Variants in ERICH3 observed in about 807,000 individuals in gnomAD.
The protein encoded by ERICH3 is glutamate-rich protein 3.
A neutral mutation model predicts 131.1 loss-of-function variants in ERICH3; 126 were observed. The ratio of observed to expected loss-of-function variants is 0.96; its 90% confidence interval spans 0.83 to 1.11. The LOEUF (loss-of-function observed/expected upper bound fraction) is 1.11, where lower values mean the gene tolerates loss of function less well. Ranked by LOEUF, ERICH3 falls within the 50% of genes most tolerant of loss-of-function variation. The pLI, the probability that ERICH3 is intolerant of heterozygous loss-of-function variation, is 0.00. For missense variants in ERICH3, 2,050 were observed against 1,810.7 expected, an observed-to-expected ratio of 1.13 and a Z score of -2.40; for synonymous variants, 695 against 644.6, an observed-to-expected ratio of 1.08 and a Z score of -1.18.
intron 7 of ERICH3, among the ~76,000 whole-genome samples, chr1:74,626,761 G>T (rs1163525017): frequency 6.6e-6 from 1 of 152,062 alleles, no homozygotes; most frequent in African/African-American, 2.4e-5. Context: ...AAGCTCTGAA[G>T]GTGCTAGAAC....
Position 74,589,791 on chromosome 1 carries a change from T to G in ERICH3, c.2016A>C (p.Gly672=). Residue 672 remains glycine (G), a synonymous_variant, in exon 12 of 15, where the codon GGA becomes GGC. Transcript: ENST00000326665. ...CAATCTCTTGGGTTCCTTTCTCCGT[T>G]CCTTCTTTAAGAACATTCTCAAAGC... ...DESFENVLKE[G]TEKGTQEIAE... The G allele has an allele frequency of 6.2e-7, 1 of 1,614,134 alleles. No individual in the cohort carries two copies. Among genetic ancestry groups the G allele is most frequent in the East Asian group, 2.2e-5 (1 of 44,880 alleles).
Position 74,576,954 on chromosome 1 carries a change from A to T in ERICH3, c.2177-18T>A, listed in dbSNP as rs1189077090. 4 of 1,590,332 alleles carry T rather than the reference A, an allele frequency of 2.5e-6. No homozygotes were observed. In the African/African-American group the frequency reaches 5.5e-5, roughly 22 times the overall value. ...ATCCTTTCCTAGTTAAAAAAAAAAA[A>T]AAGAAAAAAAAGGTCAAATGAATCA... is the stretch of plus-strand genomic sequence containing the variant. On this transcript the variant is annotated intron_variant, in intron 12 of 14. Transcript: ENST00000326665.
intron 12 of ERICH3, among the ~76,000 whole-genome samples, chr1:74,585,144 C>A (rs1002810729): frequency 5.3e-5 from 8 of 152,052 alleles, no homozygotes; most frequent in Admixed American, 5.2e-4. Flanking sequence ...ATTAAGTTTA[C>A]AAATTAATGC....
rs548339358 is a variant in ERICH3 at position 74,645,613 on chromosome 1, A to G, written c.243+1054T>C. Among the ~76,000 whole-genome samples, 3 of 152,194 alleles carry G rather than the reference A, an allele frequency of 2.0e-5. No individual in the cohort carries two copies. In the South Asian group the frequency reaches 6.2e-4, roughly 32 times the overall value. On this transcript the variant is annotated intron_variant, in intron 3 of 14. Transcript: ENST00000326665. ...ACAGAGAACTCAGTGCCTATTGAGT[A>G]AATTTGAAACAAGGTATTAATTTTA... is the stretch of plus-strand genomic sequence containing the variant.
At chr1:74,598,617 T>G (rs962118233) in intron 11 of ERICH3, among the ~76,000 whole-genome samples, 1 of 151,646 alleles carries the variant, frequency 6.6e-6, no homozygotes, top group South Asian at 2.1e-4. Flanking sequence ...GCAAGCAAAA[T>G]ATTCACAGAA....
intron 6 of ERICH3, 65 bp downstream of exon 6, chr1:74,636,215 C>T: frequency 2.3e-6 from 3 of 1,305,886 alleles, no homozygotes; most frequent in Non-Finnish European, 3.1e-6. Flanking sequence ...ACCTTGACCA[C>T]TGTAATAACC....
chr1:74,616,266 C>T (rs1046502799), intron 8 of ERICH3, among the ~76,000 whole-genome samples: 7 of 152,140 alleles, frequency 4.6e-5, no homozygotes, highest in African/African-American at 1.4e-4. Flanking sequence ...GCAGTCTGCC[C>T]GTCTTGGCCT....
intron 13 of ERICH3, 76 bp from the exon 14 acceptor site, chr1:74,573,567 A>G: frequency 7.3e-7 from 1 of 1,376,974 alleles, no homozygotes; most frequent in South Asian, 1.9e-5. Flanking sequence ...ATCTTATATC[A>G]CACTTATTTA....
intron 5 of ERICH3, among the ~76,000 whole-genome samples, chr1:74,637,737 T>C (rs1341682924): frequency 6.6e-6 from 1 of 152,010 alleles, no homozygotes; most frequent in Non-Finnish European, 1.5e-5. Flanking sequence ...CTGGGCAACA[T>C]GGTGAAACCT....
chr1:74,590,011 G>A lies in ERICH3; in HGVS notation c.1796C>T (p.Ala599Val), dbSNP rs1228313433. 8.1e-6 allele frequency: 13 copies of A among 1,613,830 alleles called. No homozygotes were observed. The highest frequency in any genetic ancestry group is 3.3e-5 in the South Asian group (3 of 91,070). ...AGTGTGGGCTTCCCTGTCCCCCACT[G>A]CAGATTCATCCTCACTGTCACTAGA... ...PYSSDSEDES[A>V]VGDREAHTDS... is the part of the protein sequence containing the mutation. Residue 599 changes from alanine to valine, a missense_variant, in exon 12 of 15, where the codon GCA (alanine) becomes GTA (valine). By Grantham distance (64) the Ala-to-Val change is moderately conservative (BLOSUM62 0). Coordinates refer to ENST00000326665, the MANE Select transcript of ERICH3 (RefSeq NM_001002912.5).
intron 7 of ERICH3, 48 bp from the exon 8 acceptor site, chr1:74,620,962 G>T: frequency 1.4e-6 from 2 of 1,404,804 alleles, no homozygotes; most frequent in South Asian, 1.6e-5. Context: ...ACTTTCTAAT[G>T]AGAGTTCTTA....
chr1:74,633,755 G>A (rs1307190830), intron 6 of ERICH3, among the ~76,000 whole-genome samples: 2 of 151,928 alleles, frequency 1.3e-5, no homozygotes, highest in African/African-American at 4.8e-5. Flanking sequence ...TACACATATT[G>A]TGTATTCCTA....
chr1:74,670,812 A>T (rs1646735115), intron 1 of ERICH3, among the ~76,000 whole-genome samples: 2 of 152,200 alleles, frequency 1.3e-5, no homozygotes, highest in Admixed American at 6.5e-5. Flanking sequence ...CTTCTTGTAG[A>T]GAGCCTACAA....
intron 9 of ERICH3, among the ~76,000 whole-genome samples, chr1:74,611,214 C>A (rs902233739): frequency 2.6e-5 from 4 of 152,076 alleles, no homozygotes; most frequent in African/African-American, 9.7e-5. Flanking sequence ...TGTCCTCGAC[C>A]AAAACCACTT....
At chr1:74,642,269 T>A (rs1028962812) in intron 4 of ERICH3, among the ~76,000 whole-genome samples, 10 of 152,116 alleles carry the variant, frequency 6.6e-5, no homozygotes, top group African/African-American at 2.4e-4. Context: ...GGGTGAAAAA[T>A]TACTGTCTTT....
At position 74,572,283 on chromosome 1, in the gene ERICH3, G is replaced by A. The variant is rs1480614019; in HGVS notation, c.3427C>T (p.Leu1143Phe). Residue 1143 changes from leucine to phenylalanine, a missense_variant, in exon 14 of 15, where the codon CTT (leucine) becomes TTT (phenylalanine). Coordinates refer to ENST00000326665, the MANE Select transcript of ERICH3 (RefSeq NM_001002912.5). ...TCTTTTAGTGAATCTTCTCCTAGAAGCCCTGGATTGTCAGACAACTCAGAA... is the reference window on the plus strand; with the variant it reads ...TCTTTTAGTGAATCTTCTCCTAGAAACCCTGGATTGTCAGACAACTCAGAA... ...EASELSDNPG[L>F]LGEDSLKETV... 6.2e-7 allele frequency: 1 copy of A among 1,613,974 alleles called. No homozygotes were observed. The highest frequency in any genetic ancestry group is 2.2e-5 in the East Asian group (1 of 44,864).
At chr1:74,659,551 T>C (rs1295954067) in intron 1 of ERICH3, among the ~76,000 whole-genome samples, 1 of 152,144 alleles carries the variant, frequency 6.6e-6, no homozygotes, top group Admixed American at 6.5e-5. Context: ...ATCCCAAGGT[T>C]ACAAAGCTAC....
In ERICH3 at chr1:74,631,574, T is replaced by A. The variant is rs1051856796; in HGVS notation, c.819+139A>T. On this transcript the variant is annotated intron_variant, in intron 7 of 14. Transcript: ENST00000326665. Reference sequence around the variant, plus strand: ...CTGTGGTTTCAGATACATTCAAGCTTACTTATAAAATTGTATTTCTTTACA... The same window carrying A: ...CTGTGGTTTCAGATACATTCAAGCTAACTTATAAAATTGTATTTCTTTACA... The A allele has an allele frequency of 5.2e-5, 35 of 677,852 alleles. 1 individual carries two copies. Among genetic ancestry groups the A allele is most frequent in the Middle Eastern group, 4.0e-4 (1 of 2,472 alleles). The allele number at this position is 677,852 out of a possible 1,614,324, so 42.0% of individuals were successfully genotyped here.
chr1:74,670,309 A>G (rs1445343116), intron 1 of ERICH3, among the ~76,000 whole-genome samples: 1 of 152,134 alleles, frequency 6.6e-6, no homozygotes, highest in Non-Finnish European at 1.5e-5. Flanking sequence ...GCTCCTGCAC[A>G]TCTCAGTTGT....
Sources: allele counts gnomAD v4.1 joint callset (sites outside exome capture counted in the v4.1 genomes callset), GRCh38; gene constraint gnomAD v4.1.1; transcripts MANE v1.5; gene names NCBI Gene and HGNC (gene_info 2026-07-23, HGNC 2026-07-21).